PPP1R13B: variants seen among roughly 807,000 people sequenced by gnomAD.
PPP1R13B encodes protein phosphatase 1 regulatory subunit 13B.
In PPP1R13B, 44 loss-of-function variants were observed where a neutral mutation model predicts 119.8. That is an observed-to-expected ratio of 0.37 (90% confidence interval 0.29 to 0.47). PPP1R13B has a LOEUF of 0.47. PPP1R13B is among the 20% of genes least tolerant of loss of function. The pLI is 0.99. For synonymous variants in PPP1R13B, 542 were observed against 561.5 expected (o/e 0.97, Z 0.49); for missense variants, 1,227 against 1,413.5 (o/e 0.87, Z 2.12).
At chr14:103,833,764 C>A (rs1186836979) in intron 1 of PPP1R13B, among the ~76,000 whole-genome samples, 1 of 152,196 alleles carries the variant, frequency 6.6e-6, no homozygotes, top group Non-Finnish European at 1.5e-5. Context: ...AACTTCCCAA[C>A]ATCCTGAGGT....
chr14:103,814,537 C>T (rs1454762522), intron 1 of PPP1R13B, among the ~76,000 whole-genome samples: 1 of 152,116 alleles, frequency 6.6e-6, no homozygotes, highest in Non-Finnish European at 1.5e-5. Flanking sequence ...AGCCCCGTGG[C>T]TCACACTTAT....
rs1555446082 is a variant in PPP1R13B, at chr14:103,819,523, A to AAC, written c.10-22006_10-22005insGT. On this transcript the variant is annotated intron_variant, in intron 1 of 16. Coordinates refer to ENST00000202556, the MANE Select transcript of PPP1R13B (RefSeq NM_015316.3). ...TTAAAAAAAACAAACAAACAAAAAAAAACAACAACAAAAAGAAATGAAACA... is the reference window on the plus strand; with the variant it reads ...TTAAAAAAAACAAACAAACAAAAAAAACAACAACAACAAAAAGAAATGAAACA... Among the ~76,000 whole-genome samples, 143 of 151,998 alleles carry AAC rather than the reference A, an allele frequency of 9.4e-4. 1 individual carries two copies. The highest frequency in any genetic ancestry group is 3.5e-3 in the African/African-American group (143 of 41,428).
chr14:103,739,294 T>C, intron 12 of PPP1R13B: 1 of 445,572 alleles, frequency 2.2e-6, no homozygotes, highest in Non-Finnish European at 4.0e-6. Context: ...TGGCCACTCC[T>C]CGGAAGACTC....
chr14:103,795,054 C>T (rs968386827), intron 2 of PPP1R13B, among the ~76,000 whole-genome samples: 1 of 152,200 alleles, frequency 6.6e-6, no homozygotes, highest in African/African-American at 2.4e-5. Flanking sequence ...AGGGATTCTC[C>T]TGCCTCCCAA....
At chr14:103,797,337 C>T in intron 2 of PPP1R13B, 34 bp downstream of exon 2, 3 of 1,537,104 alleles carry the variant, frequency 2.0e-6, no homozygotes, top group Non-Finnish European at 2.6e-6. Flanking sequence ...TTGATTTTAT[C>T]AATGTAACAA....
intron 12 of PPP1R13B, chr14:103,739,278 A>G: frequency 2.1e-6 from 1 of 478,254 alleles, no homozygotes; most frequent in Non-Finnish European, 3.7e-6. Context: ...GCTGTGTTTG[A>G]GCTTCTGGCC....
At chr14:103,835,565 G>A (rs2086756227) in intron 1 of PPP1R13B, among the ~76,000 whole-genome samples, 1 of 151,650 alleles carries the variant, frequency 6.6e-6, no homozygotes, top group African/African-American at 2.4e-5. Context: ...GAGTTGCTGG[G>A]TCTACAAAGG....
chr14:103,756,237 T>TA (rs1343803682), intron 5 of PPP1R13B, among the ~76,000 whole-genome samples: 1 of 152,094 alleles, frequency 6.6e-6, no homozygotes, highest in African/African-American at 2.4e-5. Context: ...TTACAGGCGT[T>TA]AGCCACTACA....
chr14:103,814,653 C>A (rs991625736), intron 1 of PPP1R13B, among the ~76,000 whole-genome samples: 1 of 151,880 alleles, frequency 6.6e-6, no homozygotes, highest in African/African-American at 2.4e-5. Flanking sequence ...TAAAAAAAAA[C>A]AAAAACCGGC....
chr14:103,800,445 G>A (rs753014394), intron 1 of PPP1R13B, among the ~76,000 whole-genome samples: 17 of 152,148 alleles, frequency 1.1e-4, no homozygotes, highest in Admixed American at 2.0e-4. Context: ...TTGAGATCAG[G>A]AGTTTGAGAC....
In PPP1R13B at chr14:103,742,980, C is replaced by A; in HGVS notation, c.1151-157G>T. 1.3e-6 allele frequency: 1 copy of A among 780,810 alleles called. No homozygotes were observed. Among genetic ancestry groups the A allele is most frequent in the Non-Finnish European group, 2.0e-6 (1 of 490,112 alleles). 48.4% of individuals were successfully genotyped at this position (780,810 alleles called of 1,614,324 possible). On this transcript the variant is annotated intron_variant, in intron 9 of 16. Coordinates refer to ENST00000202556, the MANE Select transcript of PPP1R13B (RefSeq NM_015316.3). The surrounding 1 kb of genome is among the most constrained non-coding windows in gnomAD (Gnocchi z 4.9). ...CAACCACCAGCCACATGCACAACTG[C>A]TGATCTCCTCCAGCACCCACAGACC...
At chr14:103,781,997 C>A (rs1012997549) in intron 3 of PPP1R13B, among the ~76,000 whole-genome samples, 1 of 152,062 alleles carries the variant, frequency 6.6e-6, no homozygotes, top group African/African-American at 2.4e-5. Flanking sequence ...AAAAAATTTC[C>A]TTATTTTCTT....
intron 1 of PPP1R13B, among the ~76,000 whole-genome samples, chr14:103,813,893 A>T (rs564379427): frequency 3.3e-4 from 50 of 152,340 alleles, no homozygotes; most frequent in African/African-American, 1.2e-3. Flanking sequence ...CTAAATGAAA[A>T]GTCACTGCAC....
chr14:103,844,162 G>T (rs2086972714), intron 1 of PPP1R13B, among the ~76,000 whole-genome samples: 1 of 152,020 alleles, frequency 6.6e-6, no homozygotes, highest in Non-Finnish European at 1.5e-5. Context: ...AGCTACTCGG[G>T]AGGCTGTGGC....
chr14:103,740,330 T>G lies in PPP1R13B; in HGVS notation c.2086A>C (p.Arg696=). The part of the protein sequence containing the change: ...QSDADLEALR[R]KLANAPRPLK... ...GGCCGGGGCGCGTTGGCCAGCTTCC[T>G]GCGGAGGGCCTCCAGGTCTGCATCA... The change falls in exon 12 of 17, where the codon AGG becomes CGG. Residue 696 remains arginine (R), a synonymous_variant. Coordinates refer to ENST00000202556, the MANE Select transcript of PPP1R13B (RefSeq NM_015316.3). This position sits in a 1 kb window ranked among gnomAD's most constrained non-coding sequence, Gnocchi z 4.6. 1 of 1,569,664 alleles carries G rather than the reference T, an allele frequency of 6.4e-7. No homozygotes were observed. The highest frequency in any genetic ancestry group is 8.6e-7 in the Non-Finnish European group (1 of 1,157,584).
intron 3 of PPP1R13B, among the ~76,000 whole-genome samples, chr14:103,783,491 ATC>A (rs915042698): frequency 1.2e-4 from 18 of 152,160 alleles, no homozygotes; most frequent in African/African-American, 3.9e-4. Flanking sequence ...ACCTCAAGTG[ATC>A]TGCCTGCCTT....
intron 1 of PPP1R13B, among the ~76,000 whole-genome samples, chr14:103,815,878 T>C (rs1272093498): frequency 6.6e-6 from 1 of 151,674 alleles, no homozygotes; most frequent in African/African-American, 2.4e-5. Context: ...GGTCAGGAGA[T>C]CGAGACCATC....
intron 1 of PPP1R13B, among the ~76,000 whole-genome samples, chr14:103,823,331 T>G (rs1177887526): frequency 6.7e-6 from 1 of 149,646 alleles, no homozygotes; most frequent in African/African-American, 2.5e-5. Flanking sequence ...ACAGTGAGAC[T>G]CTGTCTCAAA....
At chr14:103,757,381 A>G (rs1165677338) in intron 5 of PPP1R13B, among the ~76,000 whole-genome samples, 1 of 152,148 alleles carries the variant, frequency 6.6e-6, no homozygotes, top group Non-Finnish European at 1.5e-5. Flanking sequence ...TATGATTTTA[A>G]TAAGGTCATC....
Sources: allele counts gnomAD v4.1 joint callset (sites outside exome capture counted in the v4.1 genomes callset), GRCh38; gene constraint gnomAD v4.1.1; non-coding constraint Gnocchi (gnomAD v3.1); transcripts MANE v1.5; gene names NCBI Gene and HGNC (gene_info 2026-07-23, HGNC 2026-07-21).